MYO3B: variants seen among roughly 807,000 people sequenced by gnomAD.
MYO3B encodes myosin IIIB.
Under a neutral mutation model 174.6 loss-of-function variants are expected in MYO3B, and 156 were observed. That is an observed-to-expected ratio of 0.89 (90% CI 0.78 to 1.02). MYO3B has a LOEUF of 1.02. MYO3B is among the 50% of genes least tolerant of loss of function. MYO3B has a pLI of 0.00. For missense variants in MYO3B, 1,632 were observed against 1,639.4 expected, an observed-to-expected ratio of 1.00 and a Z score of 0.08; for synonymous variants, 563 against 569.1, an observed-to-expected ratio of 0.99 and a Z score of 0.15.
chr2:170,227,286 G>A (rs1443244411), intron 6 of MYO3B, among the ~76,000 whole-genome samples: 2 of 152,040 alleles, frequency 1.3e-5, no homozygotes, highest in African/African-American at 4.8e-5. Context: ...ATACTTTTTT[G>A]TGAGGGGAAG....
intron 8 of MYO3B, among the ~76,000 whole-genome samples, chr2:170,368,796 G>C (rs762415547): frequency 1.9e-4 from 29 of 152,098 alleles, no homozygotes; most frequent in Non-Finnish European, 3.2e-4. Context: ...TAAACAAGGG[G>C]CATTTCATAT....
At chr2:170,268,781 T>C (rs767660049) in intron 7 of MYO3B, among the ~76,000 whole-genome samples, 1 of 151,844 alleles carries the variant, frequency 6.6e-6, no homozygotes, top group Non-Finnish European at 1.5e-5. Flanking sequence ...TTAATATACA[T>C]AATATATAAA....
intron 7 of MYO3B, among the ~76,000 whole-genome samples, chr2:170,263,123 A>G (rs2093357212): frequency 6.6e-6 from 1 of 152,178 alleles, no homozygotes; most frequent in Non-Finnish European, 1.5e-5. Flanking sequence ...AACAACCCTA[A>G]CACTTAGCAG....
intron 9 of MYO3B, among the ~76,000 whole-genome samples, chr2:170,371,727 AGAT>A (rs2094247010): frequency 6.6e-6 from 1 of 151,220 alleles, no homozygotes; most frequent in South Asian, 2.1e-4. Context: ...GTGAGTATAT[AGAT>A]GATTGAGGCC....
chr2:170,245,036 G>C (rs79554584), intron 7 of MYO3B, among the ~76,000 whole-genome samples: 9,147 of 152,266 alleles, frequency 0.06, 394 homozygotes, highest in Non-Finnish European at 0.09. Flanking sequence ...GGGGATAATC[G>C]TGTTGGTATG....
chr2:170,478,902 A>T (rs1471690905), intron 25 of MYO3B, among the ~76,000 whole-genome samples: 14 of 149,086 alleles, frequency 9.4e-5, no homozygotes, highest in Non-Finnish European at 5.9e-5. Flanking sequence ...ACACACACAC[A>T]CACACACACA....
chr2:170,294,002 C>T (rs1332441705), intron 7 of MYO3B, among the ~76,000 whole-genome samples: 2 of 151,976 alleles, frequency 1.3e-5, no homozygotes, highest in Non-Finnish European at 2.9e-5. Flanking sequence ...TTCACCTGCT[C>T]CTATTTACTT....
intron 25 of MYO3B, among the ~76,000 whole-genome samples, chr2:170,488,793 T>C (rs1181288287): frequency 6.6e-6 from 1 of 152,222 alleles, no homozygotes; most frequent in Non-Finnish European, 1.5e-5. Flanking sequence ...ATAACAGGAC[T>C]CTAATAATCT....
In MYO3B at chr2:170,278,380, A is replaced by G. The variant is rs538833932; in HGVS notation, c.749+42244A>G. ...GCTCTTTAGAATTCTAATAGCACACATCTATTTTTGGCAACAGCCGCAAGT... is the reference window on the plus strand; with the variant it reads ...GCTCTTTAGAATTCTAATAGCACACGTCTATTTTTGGCAACAGCCGCAAGT... On this transcript the variant is annotated intron_variant, in intron 7 of 34. Coordinates refer to ENST00000408978, the MANE Select transcript of MYO3B (RefSeq NM_138995.5). Among the ~76,000 whole-genome samples, 4 of 152,290 alleles carry G rather than the reference A, an allele frequency of 2.6e-5. No homozygotes were observed. In the East Asian group the frequency reaches 7.7e-4, roughly 29 times the overall value.
intron 8 of MYO3B, among the ~76,000 whole-genome samples, chr2:170,345,757 T>A (rs2094010905): frequency 6.6e-6 from 1 of 150,624 alleles, no homozygotes; most frequent in Non-Finnish European, 1.5e-5. Context: ...TTAGTTAAGA[T>A]GAGGTCATAC....
In MYO3B at chr2:170,358,027, C is replaced by A. The variant is rs572690819; in HGVS notation, c.816-11195C>A. 6.6e-5 allele frequency among the ~76,000 whole-genome samples: 10 copies of A among 152,114 alleles called. No homozygotes were observed. In the South Asian group the frequency reaches 1.9e-3, roughly 28 times the overall value. On this transcript the variant is annotated intron_variant, in intron 8 of 34. Transcript: ENST00000408978. Reference sequence around the variant, plus strand: ...AGTAGCCAGGTGCGGTGGGGAGCGCCTGTAATCCCAGCTACTCCGGAGGCT... The same window carrying A: ...AGTAGCCAGGTGCGGTGGGGAGCGCATGTAATCCCAGCTACTCCGGAGGCT...
chr2:170,184,129 A>G (rs2092435969), intron 1 of MYO3B, among the ~76,000 whole-genome samples: 1 of 152,168 alleles, frequency 6.6e-6, no homozygotes, highest in Admixed American at 6.5e-5. Context: ...ATACAGGCAT[A>G]TAATGCATAA....
At chr2:170,274,043 T>G (rs1009348815) in intron 7 of MYO3B, among the ~76,000 whole-genome samples, 1 of 152,048 alleles carries the variant, frequency 6.6e-6, no homozygotes, top group East Asian at 1.9e-4. Context: ...TTTGGGCTGG[T>G]CTGGCCATAT....
chr2:170,297,083 T>C (rs996440439), intron 7 of MYO3B, among the ~76,000 whole-genome samples: 1 of 152,142 alleles, frequency 6.6e-6, no homozygotes, highest in African/African-American at 2.4e-5. Context: ...CCTTCACATA[T>C]TGAATAAGGT....
intron 1 of MYO3B, among the ~76,000 whole-genome samples, chr2:170,190,051 CA>C (rs2092520435): frequency 6.6e-6 from 1 of 152,204 alleles, no homozygotes; most frequent in South Asian, 2.1e-4. Context: ...ATATCTGCAT[CA>C]GGGGACACCC....
chr2:170,225,418 GT>G (rs757303742), intron 6 of MYO3B, among the ~76,000 whole-genome samples: 4 of 152,120 alleles, frequency 2.6e-5, no homozygotes, highest in Non-Finnish European at 4.4e-5. Flanking sequence ...GTCATGAATT[GT>G]TTTTTCCCCC....
At chr2:170,346,876 C>T (rs2094020521) in intron 8 of MYO3B, among the ~76,000 whole-genome samples, 3 of 152,204 alleles carry the variant, frequency 2.0e-5, no homozygotes, top group Non-Finnish European at 4.4e-5. Context: ...TCTGACACTG[C>T]ATCTAGGATA....
chr2:170,324,937 G>A (rs778179880), intron 7 of MYO3B, among the ~76,000 whole-genome samples: 1 of 152,144 alleles, frequency 6.6e-6, no homozygotes, highest in Non-Finnish European at 1.5e-5. Flanking sequence ...AGGCACCCCA[G>A]CAGGTGGTCT....
intron 3 of MYO3B, among the ~76,000 whole-genome samples, chr2:170,203,490 G>A (rs908625206): frequency 3.8e-5 from 5 of 132,326 alleles, no homozygotes; most frequent in African/African-American, 1.7e-4. Context: ...CAAAGCAAAA[G>A]GGGGCGGCGG....
Sources: allele counts gnomAD v4.1 joint callset (sites outside exome capture counted in the v4.1 genomes callset), GRCh38; gene constraint gnomAD v4.1.1; transcripts MANE v1.5; gene names NCBI Gene and HGNC (gene_info 2026-07-23, HGNC 2026-07-21).